The following TXNRD1 variants were observed in gnomAD, a reference collection of about 807,000 sequenced individuals.
The protein encoded by TXNRD1 is thioredoxin reductase 1, also known as thioredoxin reductase 1, cytoplasmic.
TXNRD1 carries 57 observed loss-of-function variants against 80.3 expected under a neutral mutation model. That is an observed-to-expected ratio of 0.71 (90% CI 0.57 to 0.89). TXNRD1 has a LOEUF of 0.89. Ranked by LOEUF, TXNRD1 falls within the 40% of genes least tolerant of loss-of-function variation. The pLI is 0.00. For synonymous variants in TXNRD1, 291 were observed against 285.2 expected, an observed-to-expected ratio of 1.02 and a Z score of -0.20; for missense variants, 730 against 803.0, an observed-to-expected ratio of 0.91 and a Z score of 1.10.
chr12:104,266,104 A>G (rs1276060267), intron 3 of TXNRD1, among the ~76,000 whole-genome samples: 1 of 152,136 alleles, frequency 6.6e-6, no homozygotes, highest in South Asian at 2.1e-4. Flanking sequence ...TGTATTTCCT[A>G]TGTGTACCTT....
intron 1 of TXNRD1, among the ~76,000 whole-genome samples, chr12:104,216,442 T>C (rs917568496): frequency 6.6e-6 from 1 of 152,224 alleles, no homozygotes; most frequent in African/African-American, 2.4e-5. Flanking sequence ...TCTCCCACCA[T>C]CATCCCGCTT....
intron 3 of TXNRD1, among the ~76,000 whole-genome samples, chr12:104,281,267 T>C (rs1370577072): frequency 6.6e-6 from 1 of 152,228 alleles, no homozygotes; most frequent in African/African-American, 2.4e-5. Context: ...TCTGTACAAC[T>C]GTACAACATA....
Position 104,289,031 on chromosome 12 carries a change from A to C in TXNRD1, c.405A>C (p.Pro135=). 1 of 1,613,962 alleles carries C rather than the reference A, an allele frequency of 6.2e-7. No individual in the cohort carries two copies. The highest frequency in any genetic ancestry group is 8.5e-7 in the Non-Finnish European group (1 of 1,179,840). The change falls in exon 4 of 17, where the codon CCA becomes CCC. Residue 135 remains proline (P), a synonymous_variant. Transcript: ENST00000525566. Reference sequence around the variant, plus strand: ...AGAGAAAGATAGGCGGCCATGGTCCAACCTTGAAGGTAGGAGAGAGTAACG... The same window carrying C: ...AGAGAAAGATAGGCGGCCATGGTCCCACCTTGAAGGTAGGAGAGAGTAACG... The part of the protein sequence containing the change: ...VKQRKIGGHG[P]TLKAYQEGRL...
At chr12:104,320,775 AATCT>A (rs2035500306) in intron 9 of TXNRD1, among the ~76,000 whole-genome samples, 1 of 152,158 alleles carries the variant, frequency 6.6e-6, no homozygotes, top group Non-Finnish European at 1.5e-5. Flanking sequence ...AGGGTTTGCA[AATCT>A]ATAATTTGTT....
intron 1 of TXNRD1, among the ~76,000 whole-genome samples, chr12:104,230,068 ACATTTTTTT>A (rs202003122): frequency 0.017 from 2,649 of 151,504 alleles, 69 homozygotes; most frequent in African/African-American, 0.06. Flanking sequence ...TATATGTTTA[ACATTTTTTT>A]CATTTTTTTT....
At chr12:104,313,878 T>C (rs1266423044) in intron 6 of TXNRD1, among the ~76,000 whole-genome samples, 3 of 152,140 alleles carry the variant, frequency 2.0e-5, no homozygotes, top group African/African-American at 4.8e-5. Flanking sequence ...TAAGCGGTAT[T>C]GAAAAAATTA....
At chr12:104,334,765 A>G (rs908670763) in intron 15 of TXNRD1, among the ~76,000 whole-genome samples, 10 of 152,324 alleles carry the variant, frequency 6.6e-5, no homozygotes, top group African/African-American at 2.4e-4. Context: ...AGATATCAGC[A>G]GCTGGCAAGG....
chr12:104,295,518 C>G (rs969516828), intron 4 of TXNRD1, among the ~76,000 whole-genome samples: 1 of 152,216 alleles, frequency 6.6e-6, no homozygotes, highest in African/African-American at 2.4e-5. Context: ...CCTCCAGGGT[C>G]TAGCCCCAAC....
intron 3 of TXNRD1, among the ~76,000 whole-genome samples, chr12:104,269,734 A>AT (rs927886309): frequency 1.3e-5 from 2 of 151,480 alleles, no homozygotes; most frequent in East Asian, 1.9e-4. Context: ...TGCCCAGCTA[A>AT]TTTTTTTTGT....
intron 3 of TXNRD1, among the ~76,000 whole-genome samples, chr12:104,274,378 T>C (rs748215066): frequency 1.3e-5 from 2 of 152,100 alleles, no homozygotes; most frequent in Non-Finnish European, 2.9e-5. Flanking sequence ...AACTATCTAA[T>C]AGTGTTTAAG....
At chr12:104,247,891 C>T in intron 1 of TXNRD1, among the ~76,000 whole-genome samples, 1 of 152,176 alleles carries the variant, frequency 6.6e-6, no homozygotes, top group Admixed American at 6.5e-5. Flanking sequence ...GCTTGTGTGA[C>T]AGCTCTGACG....
intron 1 of TXNRD1, among the ~76,000 whole-genome samples, chr12:104,246,965 A>C (rs1442153116): frequency 2.6e-5 from 4 of 152,222 alleles, no homozygotes; most frequent in African/African-American, 9.6e-5. Context: ...AGTTGTTACA[A>C]GTGGATAGTA....
At chr12:104,254,640 A>ATATATAT in intron 2 of TXNRD1, among the ~76,000 whole-genome samples, 1 of 106,268 alleles carries the variant, frequency 9.4e-6, no homozygotes, top group African/African-American at 5.1e-5. Flanking sequence ...GAAAAAAAAA[A>ATATATAT]AAAAATATAT....
At position 104,303,630 on chromosome 12, in the gene TXNRD1, TG is replaced by T. The variant is rs539413805; in HGVS notation, c.415-7658del. The T allele has an allele frequency of 3.0e-3, 1,088 of 359,060 alleles. 10 individuals are homozygous for T. The highest frequency in any genetic ancestry group is 0.022 in the African/African-American group (1,000 of 46,156). The allele number at this position is 359,060 out of a possible 1,614,324, so 22.2% of individuals were successfully genotyped here. A position where few individuals can be genotyped will look rare whatever the true frequency, so the allele number is the denominator to read the frequency against. On this transcript the variant is annotated intron_variant, in intron 4 of 16. Coordinates refer to ENST00000525566, the MANE Select transcript of TXNRD1 (RefSeq NM_001093771.3). ...ATTGCGCGTGTTGGGAGCGCCGCGC[TG>T]GTCTATGAGCGAGCGCCTCGGCTTG...
intron 13 of TXNRD1, among the ~76,000 whole-genome samples, chr12:104,330,190 G>C (rs1291703448): frequency 2.0e-5 from 3 of 152,126 alleles, no homozygotes; most frequent in Admixed American, 6.5e-5. Context: ...TTATCTCCCT[G>C]TTTTAGAGAG....
At chr12:104,231,048 T>G (rs2032610659) in intron 1 of TXNRD1, among the ~76,000 whole-genome samples, 1 of 152,188 alleles carries the variant, frequency 6.6e-6, no homozygotes, top group Non-Finnish European at 1.5e-5. Context: ...GCTTGCATTT[T>G]CATATCAAAG....
chr12:104,320,612 T>TTA (rs1565901009), intron 9 of TXNRD1, among the ~76,000 whole-genome samples: 3 of 152,214 alleles, frequency 2.0e-5, no homozygotes, highest in African/African-American at 7.2e-5. Context: ...GTTCTACTCC[T>TTA]TATAGTTGGC....
chr12:104,316,361 T>A (rs1356655684), intron 7 of TXNRD1, among the ~76,000 whole-genome samples: 1 of 151,984 alleles, frequency 6.6e-6, no homozygotes, highest in African/African-American at 2.4e-5. Flanking sequence ...CTAGATGAGT[T>A]TAAGAGATTG....
chr12:104,319,029 C>G lies in TXNRD1; in HGVS notation c.847C>G (p.Gln283Glu). 10 of 1,613,090 alleles carry G rather than the reference C, an allele frequency of 6.2e-6. No homozygotes were observed. The highest frequency in any genetic ancestry group is 8.5e-6 in the Non-Finnish European group (10 of 1,179,710). ...AGTCGTCTATGAGAATGCTTATGGG[C>G]AATTTATTGGTCCTCACAGGATTAA... Reference protein sequence around the residue: ...KKVVYENAYGQFIGPHRIKAT... With the variant: ...KKVVYENAYGEFIGPHRIKAT... Residue 283 changes from glutamine to glutamate, a missense_variant, in exon 8 of 17, where the codon CAA becomes GAA. Gln to Glu is a conservative substitution (Grantham distance 29, BLOSUM62 2). Transcript: ENST00000525566.
Sources: allele counts gnomAD v4.1 joint callset (sites outside exome capture counted in the v4.1 genomes callset), GRCh38; gene constraint gnomAD v4.1.1; transcripts MANE v1.5; gene names NCBI Gene and HGNC (gene_info 2026-07-23, HGNC 2026-07-21).